CALCRL: variants seen among roughly 807,000 people sequenced by gnomAD.
CALCRL encodes calcitonin receptor like receptor, also known as calcitonin gene-related peptide type 1 receptor.
In CALCRL, 27 loss-of-function variants were observed where a neutral mutation model predicts 60.4. That is an observed-to-expected ratio of 0.45 (90% CI 0.33 to 0.62). CALCRL has a LOEUF of 0.62. Ranked by LOEUF, CALCRL falls within the 20% of genes least tolerant of loss-of-function variation. The pLI is 0.03. For synonymous variants in CALCRL, 190 were observed against 182.6 expected (o/e 1.04, Z -0.33); for missense variants, 424 against 540.7 (o/e 0.78, Z 2.14).
chr2:187,444,899 C>A (rs1248161925), intron 1 of CALCRL, among the ~76,000 whole-genome samples: 1 of 151,422 alleles, frequency 6.6e-6, no homozygotes, highest in Admixed American at 6.6e-5. Context: ...AGGATAGATC[C>A]ATCTGGTTAG....
intron 1 of CALCRL, among the ~76,000 whole-genome samples, chr2:187,433,764 A>C (rs1214162833): frequency 3.3e-5 from 5 of 152,234 alleles, no homozygotes; most frequent in South Asian, 2.1e-4. Flanking sequence ...AAGAAAAAAT[A>C]TATAAACCTA....
At chr2:187,356,800 T>G (rs1456463351) in intron 12 of CALCRL, among the ~76,000 whole-genome samples, 1 of 151,996 alleles carries the variant, frequency 6.6e-6, no homozygotes, top group African/African-American at 2.4e-5. Context: ...TTAAACAAAT[T>G]TACAAGAAAT....
At position 187,359,383 on chromosome 2, in the gene CALCRL, T is replaced by C. The variant is rs1230647752; in HGVS notation, c.782-111A>G. ...AAAGATACTCTAGGAGCAAAAAAAC[T>C]AGCCACTATATATTTGTTGAATAAA... On this transcript the variant is annotated intron_variant, in intron 10 of 14. Coordinates refer to ENST00000392370, the MANE Select transcript of CALCRL (RefSeq NM_005795.6). The C allele has an allele frequency of 4.4e-6, 3 of 674,290 alleles. No individual in the cohort carries two copies. In the Admixed American group the frequency reaches 9.1e-5, roughly 20 times the overall value. The allele number at this position is 674,290 out of a possible 1,614,324, so 41.8% of individuals were successfully genotyped here.
rs988447381 is a variant in CALCRL at position 187,383,323 on chromosome 2, C to A, written c.52-18G>T. 34 of 1,567,304 alleles carry A rather than the reference C, an allele frequency of 2.2e-5. No individual in the cohort carries two copies. Among genetic ancestry groups the A allele is most frequent in the East Asian group, 4.6e-5 (2 of 43,664 alleles). ...ACAAGAATCTAAGGGATTAAAAAAACAACAACATCAACTTCATGAAAAGGA... is the reference window on the plus strand; with the variant it reads ...ACAAGAATCTAAGGGATTAAAAAAAAAACAACATCAACTTCATGAAAAGGA... On this transcript the variant is annotated intron_variant, in intron 4 of 14. Transcript: ENST00000392370.
At chr2:187,399,445 A>G (rs1688792064) in intron 1 of CALCRL, among the ~76,000 whole-genome samples, 1 of 151,536 alleles carries the variant, frequency 6.6e-6, no homozygotes, top group African/African-American at 2.4e-5. Context: ...GGGTTAGGCA[A>G]TGGCTTTATA....
intron 1 of CALCRL, among the ~76,000 whole-genome samples, chr2:187,440,035 T>A (rs952959581): frequency 1.3e-5 from 2 of 152,050 alleles, no homozygotes; most frequent in Non-Finnish European, 2.9e-5. Context: ...AAATAAATAC[T>A]CCCTCATACT....
intron 1 of CALCRL, among the ~76,000 whole-genome samples, chr2:187,421,680 C>A (rs572861992): frequency 6.6e-6 from 1 of 152,222 alleles, no homozygotes; most frequent in Non-Finnish European, 1.5e-5. Flanking sequence ...TTACCCTCTG[C>A]TGTGTTGCCA....
intron 1 of CALCRL, chr2:187,428,261 C>G (rs1279216115): frequency 6.6e-6 from 1 of 152,108 alleles, no homozygotes; most frequent in Non-Finnish European, 1.5e-5. Flanking sequence ...CTTATTTAAG[C>G]CAGTGTCATA....
chr2:187,391,674 T>G (rs1688452597), intron 1 of CALCRL, among the ~76,000 whole-genome samples: 1 of 152,120 alleles, frequency 6.6e-6, no homozygotes, highest in Admixed American at 6.6e-5. Flanking sequence ...TTACTGGAAA[T>G]GAGATAATTT....
At chr2:187,387,866 T>A in intron 1 of CALCRL, 110 bp from the exon 2 acceptor site, 1 of 368,208 alleles carries the variant, frequency 2.7e-6, no homozygotes, top group Non-Finnish European at 4.8e-6. Flanking sequence ...CATATTTTTA[T>A]TGAACAATTC....
intron 1 of CALCRL, among the ~76,000 whole-genome samples, chr2:187,418,268 A>G (rs761258392): frequency 1.3e-4 from 20 of 152,172 alleles, no homozygotes; most frequent in Non-Finnish European, 1.8e-4. Flanking sequence ...CTTCACACCT[A>G]TATTTAGAGA....
chr2:187,367,949 T>G (rs914941857), intron 8 of CALCRL, among the ~76,000 whole-genome samples: 61 of 152,194 alleles, frequency 4.0e-4, no homozygotes, highest in South Asian at 8.3e-4. Flanking sequence ...TCATTATGCT[T>G]TATATGTAAT....
chr2:187,414,889 TAAAA>T (rs3053232), intron 1 of CALCRL, among the ~76,000 whole-genome samples: 9,360 of 146,428 alleles, frequency 0.064, 350 homozygotes, highest in South Asian at 0.096. Context: ...TTTTTTTTTT[TAAAA>T]AAAAAAAGGT....
chr2:187,352,584 A>G (rs1686582137), intron 12 of CALCRL, among the ~76,000 whole-genome samples: 1 of 151,914 alleles, frequency 6.6e-6, no homozygotes, highest in Non-Finnish European at 1.5e-5. Context: ...TGTGGAACAT[A>G]TTCAGTTGAA....
rs1328995988 is a variant in CALCRL, at chr2:187,343,324, A to G, written c.*2860T>C. On this transcript the variant is annotated 3_prime_UTR_variant, in exon 15 of 15. Coordinates refer to ENST00000392370, the MANE Select transcript of CALCRL (RefSeq NM_005795.6). ...TAACTCATAACTTTAATATTTTCATACAATCAAAAAATAGAGATATACTCT... is the reference window on the plus strand; with the variant it reads ...TAACTCATAACTTTAATATTTTCATGCAATCAAAAAATAGAGATATACTCT... 1 of 151,880 alleles carries G rather than the reference A, an allele frequency of 6.6e-6. No homozygotes were observed. Among genetic ancestry groups the G allele is most frequent in the Non-Finnish European group, 1.5e-5 (1 of 67,582 alleles). 9.4% of individuals were successfully genotyped at this position (151,880 alleles called of 1,614,324 possible). A position where few individuals can be genotyped will look rare whatever the true frequency, so the allele number is the denominator to read the frequency against.
chr2:187,347,891 C>T (rs1686353770), intron 14 of CALCRL, among the ~76,000 whole-genome samples: 1 of 151,708 alleles, frequency 6.6e-6, no homozygotes, highest in Non-Finnish European at 1.5e-5. Context: ...GTTAATTTCA[C>T]TCTACTATAT....
At chr2:187,373,709 A>G (rs1687627077) in intron 8 of CALCRL, among the ~76,000 whole-genome samples, 1 of 152,232 alleles carries the variant, frequency 6.6e-6, no homozygotes, top group Non-Finnish European at 1.5e-5. Flanking sequence ...TAACACTGCC[A>G]TTATCTCAGC....
At chr2:187,349,467 T>C (rs1485355957) in intron 14 of CALCRL, among the ~76,000 whole-genome samples, 2 of 151,596 alleles carry the variant, frequency 1.3e-5, no homozygotes, top group Admixed American at 6.6e-5. Flanking sequence ...CAAAATGAAT[T>C]TGGCAGTTGT....
At chr2:187,426,738 C>G (rs1690150929) in intron 1 of CALCRL, among the ~76,000 whole-genome samples, 1 of 151,992 alleles carries the variant, frequency 6.6e-6, no homozygotes, top group Non-Finnish European at 1.5e-5. Flanking sequence ...CCCAGCTTAC[C>G]TATGAGGGAC....
Sources: allele counts gnomAD v4.1 joint callset (sites outside exome capture counted in the v4.1 genomes callset), GRCh38; gene constraint gnomAD v4.1.1; transcripts MANE v1.5; gene names NCBI Gene and HGNC (gene_info 2026-07-23, HGNC 2026-07-21).